ANO10: variants seen among roughly 807,000 people sequenced by gnomAD.
ANO10 encodes anoctamin-10.
In ANO10, 77 loss-of-function variants were observed where a neutral mutation model predicts 74.7. That is an observed-to-expected ratio of 1.03 (90% CI 0.86 to 1.25). The LOEUF (loss-of-function observed/expected upper bound fraction) is 1.25. Ranked by LOEUF, ANO10 falls within the 50% of genes most tolerant of loss-of-function variation. The probability of loss-of-function intolerance (pLI) is 0.00; values close to 1 mark genes in which losing one functional copy is unlikely to be tolerated. For missense variants in ANO10, 721 were observed against 778.1 expected (o/e 0.93, Z 0.87); for synonymous variants, 279 against 284.9 (o/e 0.98, Z 0.21).
At chr3:43,660,655 C>G (rs1464151985) in intron 1 of ANO10, among the ~76,000 whole-genome samples, 1 of 152,102 alleles carries the variant, frequency 6.6e-6, no homozygotes, top group African/African-American at 2.4e-5. Context: ...AGAACGGAAC[C>G]AAGTTAGAAA....
intron 12 of ANO10, among the ~76,000 whole-genome samples, chr3:43,383,414 A>G (rs1479861608): frequency 1.3e-5 from 2 of 148,178 alleles, no homozygotes; most frequent in African/African-American, 2.5e-5. Context: ...AGACTGTGCC[A>G]CTGCACTCCA....
intron 12 of ANO10, among the ~76,000 whole-genome samples, chr3:43,384,001 A>T (rs564358040): frequency 6.6e-6 from 1 of 152,310 alleles, no homozygotes; most frequent in Non-Finnish European, 1.5e-5. Flanking sequence ...TGATGACACG[A>T]TCATATACCT....
intron 4 of ANO10, among the ~76,000 whole-genome samples, chr3:43,583,762 TACTCTA>T (rs1199715117): frequency 2.0e-5 from 3 of 152,354 alleles, no homozygotes; most frequent in East Asian, 1.9e-4. Flanking sequence ...CTGCACCTAG[TACTCTA>T]ACTCTAGCAC....
intron 10 of ANO10, among the ~76,000 whole-genome samples, chr3:43,553,913 G>A (rs1421714184): frequency 2.0e-5 from 3 of 152,102 alleles, no homozygotes; most frequent in African/African-American, 4.8e-5. Context: ...CTCATTCAGT[G>A]AGCTTTTTAT....
At chr3:43,552,720 ATATATATATGTATG>A (rs1307514511) in intron 10 of ANO10, among the ~76,000 whole-genome samples, 2,509 of 132,596 alleles carry the variant, frequency 0.019, 65 homozygotes, top group African/African-American at 0.066. Context: ...ATATATATAT[ATATATATATGTATG>A]TATGTATGTA....
intron 12 of ANO10, among the ~76,000 whole-genome samples, chr3:43,400,809 C>T (rs1479011223): frequency 1.3e-5 from 2 of 152,020 alleles, no homozygotes; most frequent in Non-Finnish European, 2.9e-5. Flanking sequence ...ATGACCTCTT[C>T]TGACTGTGGA....
chr3:43,563,887 C>T (rs2080177518), intron 8 of ANO10, among the ~76,000 whole-genome samples: 1 of 151,778 alleles, frequency 6.6e-6, no homozygotes, highest in Admixed American at 6.6e-5. Context: ...AGAAGCTGAT[C>T]GAGAGGTACA....
At chr3:43,418,493 T>C (rs2092775175) in intron 12 of ANO10, among the ~76,000 whole-genome samples, 1 of 152,226 alleles carries the variant, frequency 6.6e-6, no homozygotes, top group South Asian at 2.1e-4. Context: ...CAATTTCCTT[T>C]TCTTTTTCCA....
chr3:43,386,632 T>TGTGTGTAG (rs1283643711), intron 12 of ANO10, among the ~76,000 whole-genome samples: 185 of 147,480 alleles, frequency 1.3e-3, no homozygotes, highest in African/African-American at 4.6e-3. Context: ...TTTTGAAAGT[T>TGTGTGTAG]GTGTGTAGGT....
chr3:43,402,626 A>C (rs946671312), intron 12 of ANO10, among the ~76,000 whole-genome samples: 2 of 152,022 alleles, frequency 1.3e-5, no homozygotes, highest in Non-Finnish European at 2.9e-5. Flanking sequence ...GTCTTTTCCC[A>C]GGTCATCCCT....
At chr3:43,441,820 A>T (rs1254062044) in intron 11 of ANO10, among the ~76,000 whole-genome samples, 1 of 152,136 alleles carries the variant, frequency 6.6e-6, no homozygotes, top group Non-Finnish European at 1.5e-5. Context: ...ACCAAGTGGG[A>T]TTTATTCTTG....
At chr3:43,414,827 A>C (rs1055685027) in intron 12 of ANO10, among the ~76,000 whole-genome samples, 4 of 152,160 alleles carry the variant, frequency 2.6e-5, no homozygotes, top group African/African-American at 9.7e-5. Flanking sequence ...CACTCAATTA[A>C]GAATTTTGTG....
At chr3:43,420,608 T>G (rs1312088569) in intron 12 of ANO10, among the ~76,000 whole-genome samples, 1 of 151,530 alleles carries the variant, frequency 6.6e-6, no homozygotes, top group Non-Finnish European at 1.5e-5. Context: ...AAAAACAAAG[T>G]TTTTTTTTAA....
chr3:43,645,147 G>T (rs2083712877), intron 1 of ANO10, among the ~76,000 whole-genome samples: 1 of 152,184 alleles, frequency 6.6e-6, no homozygotes, highest in Non-Finnish European at 1.5e-5. Flanking sequence ...TATTTATCTT[G>T]ATTATCCTCC....
At chr3:43,650,562 A>G (rs771486647) in intron 1 of ANO10, among the ~76,000 whole-genome samples, 1 of 152,260 alleles carries the variant, frequency 6.6e-6, no homozygotes, top group East Asian at 1.9e-4. Flanking sequence ...ATTATTTTGC[A>G]TAAGTTAGAA....
At chr3:43,393,793 C>T (rs981522047) in intron 12 of ANO10, among the ~76,000 whole-genome samples, 1 of 152,092 alleles carries the variant, frequency 6.6e-6, no homozygotes, top group Non-Finnish European at 1.5e-5. Flanking sequence ...TTACCTACAC[C>T]ATGAAGGTTC....
In ANO10 at chr3:43,440,177, G is replaced by A. The variant is rs538603966; in HGVS notation, c.1798-7450C>T. ...ACATACTGAAAGCAATGAACAAAAC[G>A]GCAATTGTAAGTCTGCTCTATCAGT... On this transcript the variant is annotated intron_variant, in intron 11 of 12. Coordinates refer to ENST00000292246, the MANE Select transcript of ANO10 (RefSeq NM_018075.5). Among the ~76,000 whole-genome samples the A allele has an allele frequency of 2.6e-4, 40 of 152,096 alleles. 1 individual carries two copies. The highest frequency in any genetic ancestry group is 6.5e-5 in the Admixed American group (1 of 15,274).
At chr3:43,443,675 CCTT>C (rs1011069762) in intron 11 of ANO10, among the ~76,000 whole-genome samples, 4 of 106,832 alleles carry the variant, frequency 3.7e-5, no homozygotes, top group South Asian at 6.4e-4. Flanking sequence ...TTACTTCCTT[CCTT>C]CTTTTTTTTT....
intron 1 of ANO10, chr3:43,690,818 C>T (rs2084353400): frequency 1.9e-6 from 1 of 520,342 alleles, no homozygotes; most frequent in African/African-American, 2.0e-5. Flanking sequence ...GGACGCAAAG[C>T]CGGAGGCAAG....
Sources: allele counts gnomAD v4.1 joint callset (sites outside exome capture counted in the v4.1 genomes callset), GRCh38; gene constraint gnomAD v4.1.1; transcripts MANE v1.5; gene names NCBI Gene and HGNC (gene_info 2026-07-23, HGNC 2026-07-21).